SLC25A29: variants seen among roughly 807,000 people sequenced by gnomAD.
SLC25A29 encodes the protein mitochondrial basic amino acids transporter.
SLC25A29 carries 13 observed loss-of-function variants against 10.0 expected under a neutral mutation model. That is an observed-to-expected ratio of 1.30 (90% CI 0.85 to 2.07). The LOEUF is 2.07. SLC25A29 is among the 30% of genes most tolerant of loss of function. SLC25A29 has a pLI of 0.00. For missense variants in SLC25A29, 475 were observed against 447.6 expected, an observed-to-expected ratio of 1.06 and a Z score of -0.55; for synonymous variants, 244 against 221.1, an observed-to-expected ratio of 1.10 and a Z score of -0.92.
intron 1 of SLC25A29, 117 bp from the exon 2 acceptor site, chr14:100,299,002 A>G: frequency 6.6e-7 from 1 of 1,510,398 alleles, no homozygotes; most frequent in Non-Finnish European, 8.9e-7. Flanking sequence ...GGGAAAGGAC[A>G]TTGACCAAGC....
At chr14:100,299,817 C>G in intron 1 of SLC25A29, 7 of 985,460 alleles carry the variant, frequency 7.1e-6, no homozygotes, top group Non-Finnish European at 8.4e-6. Flanking sequence ...CCCTTTACTG[C>G]CAGTAGCGTT....
chr14:100,282,953 C>G, the SLC25A29 span, among the ~76,000 whole-genome samples: 1 of 152,220 alleles, frequency 6.6e-6, no homozygotes, highest in African/African-American at 2.4e-5. Flanking sequence ...TGGGAACTCC[C>G]AGGATTTGGT....
chr14:100,293,903 T>G (rs1458836049), intron 2 of SLC25A29: 1 of 153,478 alleles, frequency 6.5e-6, no homozygotes, highest in East Asian at 1.9e-4. Context: ...GTGGATCACT[T>G]GAGGTCAGGA....
Position 100,306,125 on chromosome 14 carries a change from C to T in SLC25A29, c.34+74G>A, listed in dbSNP as rs902108782. 3.1e-5 allele frequency: 35 copies of T among 1,146,656 alleles called. No homozygotes were observed. In the African/African-American group the frequency reaches 3.9e-4, roughly 13 times the overall value. The allele number at this position is 1,146,656 out of a possible 1,614,324, so 71.0% of individuals were successfully genotyped here. ...CCCCGCCAGCGGGAAGCCGCGAGGC[C>T]AGGGCGTGCTGGTGGGCCGACCTCC... On this transcript the variant is annotated intron_variant, in intron 1 of 3. Transcript: ENST00000359232.
intron 1 of SLC25A29, among the ~76,000 whole-genome samples, chr14:100,303,343 G>A (rs1459602575): frequency 6.6e-6 from 1 of 152,346 alleles, no homozygotes; most frequent in East Asian, 1.9e-4. Context: ...AGGTCCAGCT[G>A]TGGGGTCCCC....
chr14:100,299,672 A>G, intron 1 of SLC25A29: 1 of 985,126 alleles, frequency 1.0e-6, no homozygotes, highest in Non-Finnish European at 1.2e-6. Context: ...ACCATCTCTG[A>G]GTCTTGCCAC....
chr14:100,286,471 G>T (rs1891544110), downstream of SLC25A29, among the ~76,000 whole-genome samples: 1 of 12,170 alleles, frequency 8.2e-5, no homozygotes, highest in African/African-American at 2.1e-4. Context: ...GAGCATGGCT[G>T]GGGGGGGGGG....
At chr14:100,293,602 T>A in intron 2 of SLC25A29, 1 of 568,212 alleles carries the variant, frequency 1.8e-6, no homozygotes, top group African/African-American at 1.9e-5. Context: ...GGAGACAGGG[T>A]AGGGGGTCCC....
intron 1 of SLC25A29, among the ~76,000 whole-genome samples, chr14:100,303,551 C>A (rs1168622494): frequency 6.6e-6 from 1 of 152,250 alleles, no homozygotes; most frequent in Non-Finnish European, 1.5e-5. Flanking sequence ...TGTTTCAGCA[C>A]CCTTCGGCGA....
At position 100,292,565 on chromosome 14, in the gene SLC25A29, C is replaced by T. The variant is rs1891802338; in HGVS notation, c.630G>A (p.Val210=). 1.2e-6 allele frequency: 2 copies of T among 1,603,016 alleles called. No homozygotes were observed. Among genetic ancestry groups the T allele is most frequent in the Non-Finnish European group, 1.7e-6 (2 of 1,175,756 alleles). The change falls in exon 4 of 4, where the codon GTG becomes GTA. Residue 210 remains valine, a synonymous_variant. Transcript: ENST00000359232. ...GIVSWLSTYP[V]DVVKSRLQAD... ...CCTGCAGCCGCGACTTGACCACGTC[C>T]ACAGGATAGGTAGAGAGCCAGGACA...
the SLC25A29 span, chr14:100,281,279 G>A: frequency 6.6e-6 from 1 of 152,126 alleles, no homozygotes; most frequent in East Asian, 1.9e-4. Flanking sequence ...CCCAGCAAGA[G>A]TAAGGATCCC....
chr14:100,281,919 T>A, the SLC25A29 span: 1 of 152,148 alleles, frequency 6.6e-6, no homozygotes, highest in Non-Finnish European at 1.5e-5. Flanking sequence ...GCCCAAGGGA[T>A]CAGTGTGGTG....
chr14:100,282,286 C>A, the SLC25A29 span: 123,348 of 149,608 alleles, frequency 0.82, 52,086 homozygotes, highest in East Asian at 1. Context: ...TCATGAGACA[C>A]CCAGATGCTG....
chr14:100,282,153 GC>G, the SLC25A29 span: 1 of 152,232 alleles, frequency 6.6e-6, no homozygotes. Flanking sequence ...CAGGCACCCA[GC>G]CCCATGTCCC....
chr14:100,295,846 C>T (rs1892110051), intron 2 of SLC25A29: 2 of 1,289,788 alleles, frequency 1.6e-6, no homozygotes, highest in South Asian at 2.5e-5. Context: ...AAGACAACTG[C>T]TCCCTGATTA....
At chr14:100,299,122 C>A (rs1160820068) in intron 1 of SLC25A29, 9 of 1,399,620 alleles carry the variant, frequency 6.4e-6, no homozygotes, top group Admixed American at 3.1e-5. Flanking sequence ...CCACTCAGCA[C>A]TGGTGTCCCA....
At chr14:100,281,247 T>C in the SLC25A29 span, 4 of 151,954 alleles carry the variant, frequency 2.6e-5, no homozygotes, top group African/African-American at 9.7e-5. Flanking sequence ...TAATAATCCT[T>C]CTATTTTCTT....
At position 100,292,295 on chromosome 14, in the gene SLC25A29, G is replaced by A; in HGVS notation, c.900C>T (p.Pro300=). 6.5e-7 allele frequency: 1 copy of A among 1,530,916 alleles called. No individual in the cohort carries two copies. Among genetic ancestry groups the A allele is most frequent in the South Asian group, 1.2e-5 (1 of 83,744 alleles). 94.8% of individuals were successfully genotyped at this position (1,530,916 alleles called of 1,614,324 possible). A position where few individuals can be genotyped will look rare whatever the true frequency, so the allele number is the denominator to read the frequency against. Residue 300 remains proline (P), a synonymous_variant, in exon 4 of 4, where the codon CCC becomes CCT. Coordinates refer to ENST00000359232, the MANE Select transcript of SLC25A29 (RefSeq NM_001039355.3). ...AAPAGPALAQ[P]SSL is the part of the protein sequence containing the mutation. Reference sequence around the variant, plus strand: ...GGCGGGGTGAGCGTCACAGGCTGGAGGGCTGCGCCAGGGCAGGCCCCGCAG... The same window carrying A: ...GGCGGGGTGAGCGTCACAGGCTGGAAGGCTGCGCCAGGGCAGGCCCCGCAG...
chr14:100,305,543 C>T (rs117932661), intron 1 of SLC25A29: 11,147 of 152,336 alleles, frequency 0.073, 435 homozygotes, highest in South Asian at 0.1. Flanking sequence ...CGCCCGGGCC[C>T]TCCCGGGGAC....
Sources: allele counts gnomAD v4.1 joint callset (sites outside exome capture counted in the v4.1 genomes callset), GRCh38; gene constraint gnomAD v4.1.1; transcripts MANE v1.5; gene names NCBI Gene and HGNC (gene_info 2026-07-23, HGNC 2026-07-21).